The following PARD3 variants were observed in gnomAD, a reference collection of about 807,000 sequenced individuals.
The protein encoded by PARD3 is par-3 family cell polarity regulator.
PARD3 carries 75 observed loss-of-function variants against 155.4 expected under a neutral mutation model. That is an observed-to-expected ratio of 0.48 (90% CI 0.40 to 0.58). The LOEUF is 0.58. PARD3 is among the 20% of genes least tolerant of loss of function. The pLI is 0.00. For synonymous variants in PARD3, 576 were observed against 610.5 expected (o/e 0.94, Z 0.83); for missense variants, 1,642 against 1,721.7 (o/e 0.95, Z 0.82).
intron 1 of PARD3, among the ~76,000 whole-genome samples, chr10:34,814,316 C>A (rs1413852677): frequency 1.3e-5 from 2 of 152,268 alleles, no homozygotes; most frequent in East Asian, 1.9e-4. Flanking sequence ...CCGGCCCCTA[C>A]CAGCAGGGGA....
At chr10:34,402,236 A>G (rs149401841) in intron 5 of PARD3, among the ~76,000 whole-genome samples, 219 of 152,326 alleles carry the variant, frequency 1.4e-3, no homozygotes, top group African/African-American at 5.1e-3. Context: ...CTTTTCATGT[A>G]TATTTTAGGA....
intron 5 of PARD3, 42 bp from the exon 6 acceptor site, chr10:34,401,959 G>A: frequency 1.4e-6 from 2 of 1,449,396 alleles, no homozygotes; most frequent in Non-Finnish European, 1.9e-6. Context: ...TCTGTGTTAG[G>A]TTTCTTGCTA....
At chr10:34,471,559 CTGAT>C (rs910135818) in intron 3 of PARD3, among the ~76,000 whole-genome samples, 60 of 152,132 alleles carry the variant, frequency 3.9e-4, no homozygotes, top group African/African-American at 1.3e-3. Flanking sequence ...GTTTTACTGA[CTGAT>C]TGACTGGTTG....
chr10:34,714,615 T>G (rs1323114599), intron 1 of PARD3, among the ~76,000 whole-genome samples: 1 of 152,156 alleles, frequency 6.6e-6, no homozygotes, highest in East Asian at 1.9e-4. Context: ...TCAGGATTGC[T>G]GATGTCTGAG....
At chr10:34,745,220 A>T (rs1164662726) in intron 1 of PARD3, among the ~76,000 whole-genome samples, 1 of 152,098 alleles carries the variant, frequency 6.6e-6, no homozygotes, top group East Asian at 1.9e-4. Context: ...AAAATCAACC[A>T]GGCTTGGTAG....
At chr10:34,263,477 T>G (rs373504173) in intron 22 of PARD3, among the ~76,000 whole-genome samples, 24 of 151,972 alleles carry the variant, frequency 1.6e-4, no homozygotes, top group African/African-American at 5.1e-4. Context: ...GGCAACATAG[T>G]GAGACCCCAT....
At chr10:34,113,270 C>T (rs1946484163) in intron 24 of PARD3, among the ~76,000 whole-genome samples, 1 of 152,174 alleles carries the variant, frequency 6.6e-6, no homozygotes, top group East Asian at 1.9e-4. Context: ...TCTACGGCAG[C>T]TGTGCACCCT....
chr10:34,674,191 C>T (rs1438382000), intron 2 of PARD3, among the ~76,000 whole-genome samples: 2 of 152,110 alleles, frequency 1.3e-5, no homozygotes, highest in Non-Finnish European at 1.5e-5. Flanking sequence ...GTACAAAGAA[C>T]GACTGTATAA....
intron 1 of PARD3, among the ~76,000 whole-genome samples, chr10:34,767,370 G>A (rs1423934375): frequency 6.6e-6 from 1 of 152,104 alleles, no homozygotes; most frequent in Non-Finnish European, 1.5e-5. Context: ...AACTCGCCAT[G>A]TTCCTCTGAA....
intron 5 of PARD3, among the ~76,000 whole-genome samples, chr10:34,424,294 C>A (rs2075472948): frequency 6.6e-6 from 1 of 152,048 alleles, no homozygotes; most frequent in South Asian, 2.1e-4. Flanking sequence ...GTAGCAGAAT[C>A]CCCTGGGATA....
At position 34,624,799 on chromosome 10, in the gene PARD3, G is replaced by A. The variant is rs141841578; in HGVS notation, c.222+71519C>T. 2.6e-3 allele frequency among the ~76,000 whole-genome samples: 393 copies of A among 152,310 alleles called. 1 individual carries two copies. Among genetic ancestry groups the A allele is most frequent in the African/African-American group, 8.7e-3 (360 of 41,572 alleles). Reference sequence around the variant, plus strand: ...ACCAGGTGAGGGCTGTCGGGGCTGCGTCCTCCAGGGCCCACGTCCCACTGC... The same window carrying A: ...ACCAGGTGAGGGCTGTCGGGGCTGCATCCTCCAGGGCCCACGTCCCACTGC... On this transcript the variant is annotated intron_variant, in intron 2 of 24. Transcript: ENST00000374788.
chr10:34,662,065 T>G (rs1211805519), intron 2 of PARD3, among the ~76,000 whole-genome samples: 1 of 152,152 alleles, frequency 6.6e-6, no homozygotes, highest in Non-Finnish European at 1.5e-5. Flanking sequence ...GGGAGCTACT[T>G]AAGACAACTG....
At chr10:34,333,771 C>T (rs944358615) in intron 18 of PARD3, among the ~76,000 whole-genome samples, 2 of 151,862 alleles carry the variant, frequency 1.3e-5, no homozygotes, top group Non-Finnish European at 2.9e-5. Context: ...AAATATTTAC[C>T]ATCTGTTCCT....
chr10:34,189,866 C>T (rs1430700213), intron 22 of PARD3, among the ~76,000 whole-genome samples: 1 of 152,140 alleles, frequency 6.6e-6, no homozygotes, highest in Non-Finnish European at 1.5e-5. Flanking sequence ...GTATTTGTTG[C>T]CAATGATAAA....
At chr10:34,221,967 G>A (rs1394046192) in intron 22 of PARD3, among the ~76,000 whole-genome samples, 1 of 152,212 alleles carries the variant, frequency 6.6e-6, no homozygotes, top group African/African-American at 2.4e-5. Context: ...CATCACAACA[G>A]TGTGAATACA....
intron 2 of PARD3, among the ~76,000 whole-genome samples, chr10:34,606,744 C>G (rs1346866288): frequency 6.6e-6 from 1 of 150,612 alleles, no homozygotes; most frequent in Admixed American, 6.6e-5. Context: ...CCAAGGCGGG[C>G]AGATCACAAG....
chr10:34,380,247 A>T (rs1841689203), intron 9 of PARD3, among the ~76,000 whole-genome samples: 1 of 152,126 alleles, frequency 6.6e-6, no homozygotes, highest in Non-Finnish European at 1.5e-5. Flanking sequence ...AGCATGCACA[A>T]GCAGCATGTG....
intron 2 of PARD3, among the ~76,000 whole-genome samples, chr10:34,690,539 T>C (rs1040616559): frequency 3.3e-5 from 5 of 152,260 alleles, no homozygotes; most frequent in South Asian, 2.1e-4. Context: ...AATGAGTCCA[T>C]TGAGTTCAGC....
intron 1 of PARD3, among the ~76,000 whole-genome samples, chr10:34,711,571 C>T (rs2094449323): frequency 6.6e-6 from 1 of 152,118 alleles, no homozygotes; most frequent in African/African-American, 2.4e-5. Context: ...TAGCCTATTT[C>T]CTGTATATGC....
Sources: allele counts gnomAD v4.1 joint callset (sites outside exome capture counted in the v4.1 genomes callset), GRCh38; gene constraint gnomAD v4.1.1; transcripts MANE v1.5; gene names NCBI Gene and HGNC (gene_info 2026-07-23, HGNC 2026-07-21).